The following FGF12 variants were observed in gnomAD, a reference collection of about 807,000 sequenced individuals.
FGF12 encodes fibroblast growth factor 12.
A neutral mutation model predicts 23.6 loss-of-function variants in FGF12; 14 were observed. That is an observed-to-expected ratio of 0.59 (90% CI 0.39 to 0.93). FGF12 has a LOEUF of 0.93. Among genes scored for constraint, FGF12 ranks in the 40% least tolerant of loss-of-function variants. The pLI, the probability that FGF12 is intolerant of heterozygous loss-of-function variation, is 0.00. For synonymous variants in FGF12, 62 were observed against 77.3 expected (o/e 0.80, Z 1.04); for missense variants, 175 against 217.8 (o/e 0.80, Z 1.24).
chr3:192,171,269 A>G (rs1343057905), intron 4 of FGF12, among the ~76,000 whole-genome samples: 1 of 152,216 alleles, frequency 6.6e-6, no homozygotes, highest in East Asian at 1.9e-4. Flanking sequence ...AAAATTACTA[A>G]TAGTATTAAT....
At chr3:192,667,735 T>TGCAGAATG (rs913013906) in intron 2 of FGF12, among the ~76,000 whole-genome samples, 2 of 151,694 alleles carry the variant, frequency 1.3e-5, no homozygotes, top group Non-Finnish European at 2.9e-5. Flanking sequence ...ATAGAGTATC[T>TGCAGAATG]GCAGAATGGC....
intron 4 of FGF12, among the ~76,000 whole-genome samples, chr3:192,290,964 C>T (rs999980234): frequency 1.3e-5 from 2 of 152,066 alleles, no homozygotes; most frequent in Non-Finnish European, 1.5e-5. Context: ...AACATCTATA[C>T]ATACAAGTGT....
chr3:192,571,978 G>C (rs1244543895), intron 2 of FGF12, among the ~76,000 whole-genome samples: 2 of 149,506 alleles, frequency 1.3e-5, no homozygotes, highest in African/African-American at 5.0e-5. Context: ...TGTAATATAC[G>C]AGTGTTAGCA....
intron 4 of FGF12, among the ~76,000 whole-genome samples, chr3:192,237,499 T>G (rs1252121930): frequency 6.6e-6 from 1 of 152,212 alleles, no homozygotes; most frequent in African/African-American, 2.4e-5. Flanking sequence ...TCTCCTTACA[T>G]AATCTCATAT....
intron 2 of FGF12, among the ~76,000 whole-genome samples, chr3:192,426,391 A>C (rs1721687895): frequency 6.6e-6 from 1 of 152,218 alleles, no homozygotes; most frequent in African/African-American, 2.4e-5. Context: ...AAAATATCAC[A>C]TCCTTTTCTT....
chr3:192,675,054 G>A (rs1314055008), intron 2 of FGF12, among the ~76,000 whole-genome samples: 1 of 152,064 alleles, frequency 6.6e-6, no homozygotes, highest in Non-Finnish European at 1.5e-5. Context: ...TTGTCTTTAG[G>A]TGCAGAAAGA....
rs1717720178 is a variant in FGF12 at position 192,207,581 on chromosome 3, T to C, written c.229-36925A>G. On this transcript the variant is annotated intron_variant, in intron 4 of 5. Coordinates refer to ENST00000445105, the MANE Select transcript of FGF12 (RefSeq NM_004113.6). ...AGAAGTGAAGTGTGGCTAGAGCATA[T>C]GGCATGTAGGGGGAATACCAGGAAG... Among the ~76,000 whole-genome samples the C allele has an allele frequency of 4.6e-5, 7 of 152,214 alleles. No individual in the cohort carries two copies. The South Asian group carries it at 1.5e-3, about 32-fold the overall frequency.
At chr3:192,231,847 G>C (rs1472126556) in intron 4 of FGF12, among the ~76,000 whole-genome samples, 6 of 151,764 alleles carry the variant, frequency 4.0e-5, no homozygotes, top group Non-Finnish European at 8.8e-5. Context: ...CAACCTAATA[G>C]AAAACCATCG....
intron 4 of FGF12, chr3:192,268,520 T>A (rs754194914): frequency 1.1e-5 from 2 of 185,146 alleles, no homozygotes; most frequent in African/African-American, 2.4e-5. Context: ...TGGGAGCAGA[T>A]GCCTCATGAA....
At chr3:192,607,571 T>G (rs949266585) in intron 2 of FGF12, among the ~76,000 whole-genome samples, 7 of 152,278 alleles carry the variant, frequency 4.6e-5, no homozygotes, top group Admixed American at 1.3e-4. Context: ...ATGCCTGACA[T>G]ATAGCACGCT....
chr3:192,401,216 G>A lies in FGF12; in HGVS notation c.14-40678C>T, dbSNP rs146154238. ...CTTTTTAATGTCTAGCTTAATAGAA[G>A]TCAGCTTGTTCTCAAGTCTGCTTCT... is the stretch of plus-strand genomic sequence containing the variant. On this transcript the variant is annotated intron_variant, in intron 2 of 5. Coordinates refer to ENST00000445105, the MANE Select transcript of FGF12 (RefSeq NM_004113.6). Among the ~76,000 whole-genome samples, 590 of 152,310 alleles carry A rather than the reference G, an allele frequency of 3.9e-3. 5 individuals are homozygous for A. The highest frequency in any genetic ancestry group is 0.013 in the African/African-American group (558 of 41,572).
intron 2 of FGF12, among the ~76,000 whole-genome samples, chr3:192,372,633 C>G (rs1719288803): frequency 6.6e-6 from 1 of 152,192 alleles, no homozygotes; most frequent in Admixed American, 6.5e-5. Context: ...GCACTGCCTC[C>G]ACCTTTGTTC....
At chr3:192,531,946 C>G (rs1184870633) in intron 2 of FGF12, among the ~76,000 whole-genome samples, 1 of 152,172 alleles carries the variant, frequency 6.6e-6, no homozygotes, top group Non-Finnish European at 1.5e-5. Context: ...TACTAAAATC[C>G]AGTTTCATTC....
At chr3:192,251,918 A>T (rs1712038582) in intron 4 of FGF12, among the ~76,000 whole-genome samples, 1 of 152,138 alleles carries the variant, frequency 6.6e-6, no homozygotes, top group African/African-American at 2.4e-5. Context: ...GTTACACAGG[A>T]GCTTTACACA....
chr3:192,277,716 A>C (rs1468992338), intron 4 of FGF12, among the ~76,000 whole-genome samples: 2 of 152,126 alleles, frequency 1.3e-5, no homozygotes, highest in Non-Finnish European at 2.9e-5. Context: ...CTGTATGAGG[A>C]TCTGGCTGTC....
At chr3:192,608,974 G>C (rs1195134166) in intron 2 of FGF12, among the ~76,000 whole-genome samples, 2 of 152,070 alleles carry the variant, frequency 1.3e-5, no homozygotes, top group African/African-American at 4.8e-5. Context: ...AAAGGCATTT[G>C]GCTGAGCTAT....
intron 2 of FGF12, among the ~76,000 whole-genome samples, chr3:192,479,000 T>G (rs957206471): frequency 6.6e-6 from 1 of 152,214 alleles, no homozygotes; most frequent in African/African-American, 2.4e-5. Context: ...TTGTACATAT[T>G]GATCAAAATA....
intron 4 of FGF12, among the ~76,000 whole-genome samples, chr3:192,272,582 G>A (rs1285103118): frequency 1.3e-5 from 2 of 152,066 alleles, no homozygotes; most frequent in Non-Finnish European, 2.9e-5. Flanking sequence ...GATATGCTTG[G>A]TACTCTTTTA....
chr3:192,233,664 G>A (rs1461774342), intron 4 of FGF12, among the ~76,000 whole-genome samples: 1 of 151,956 alleles, frequency 6.6e-6, no homozygotes, highest in Non-Finnish European at 1.5e-5. Context: ...TTTTTTCTAG[G>A]ATATTTATAA....
Sources: gnomAD v4.1 joint callset for allele counts (sites outside exome capture counted in the v4.1 genomes callset) on GRCh38, gnomAD v4.1.1 for gene constraint, MANE v1.5 for transcripts, NCBI Gene and HGNC (gene_info 2026-07-23, HGNC 2026-07-21) for gene names.